Variants in ELF1 observed in about 807,000 individuals in gnomAD.
ELF1 encodes the protein E74 like ETS transcription factor 1, also known as ETS-related transcription factor Elf-1.
ELF1 carries 24 observed loss-of-function variants against 59.9 expected under a neutral mutation model. The ratio of observed to expected loss-of-function variants is 0.40; its 90% CI spans 0.29 to 0.56. The LOEUF (loss-of-function observed/expected upper bound fraction) is 0.56, where lower values mean the gene tolerates loss of function less well. Ranked by LOEUF, ELF1 falls within the 20% of genes least tolerant of loss-of-function variation. ELF1 has a pLI of 0.44. For missense variants in ELF1, 627 were observed against 742.2 expected (o/e 0.84, Z 1.80); for synonymous variants, 248 against 266.2 (o/e 0.93, Z 0.67).
chr13:41,012,688 A>C lies in ELF1; in HGVS notation c.-229+6540T>G, dbSNP rs539582553. Among the ~76,000 whole-genome samples, 8 of 151,438 alleles carry C rather than the reference A, an allele frequency of 5.3e-5. No individual in the cohort carries two copies. In the South Asian group the frequency reaches 1.7e-3, roughly 32 times the overall value. On this transcript the variant is annotated intron_variant, in intron 1 of 8. Coordinates refer to ENST00000239882, the MANE Select transcript of ELF1 (RefSeq NM_172373.4). ...CTTCTCGAGTAGCTGGAGCTACAGG[A>C]GTGTGACACCACACCTGGCTAACTT...
intron 5 of ELF1, among the ~76,000 whole-genome samples, chr13:40,948,322 T>A (rs559001632): frequency 6.6e-6 from 1 of 152,296 alleles, no homozygotes; most frequent in East Asian, 1.9e-4. Flanking sequence ...TCTGTGCCAA[T>A]GGGTGGATTT....
intron 2 of ELF1, among the ~76,000 whole-genome samples, chr13:40,970,569 TGGCA>T (rs1872473437): frequency 6.6e-6 from 1 of 152,220 alleles, no homozygotes; most frequent in Non-Finnish European, 1.5e-5. Context: ...AATGTTTTCT[TGGCA>T]TGGAGGTTAA....
chr13:41,006,336 C>T (rs1282378686), intron 1 of ELF1, among the ~76,000 whole-genome samples: 1 of 152,068 alleles, frequency 6.6e-6, no homozygotes, highest in Admixed American at 6.6e-5. Context: ...AAGTGTTCCC[C>T]AAACCATGAA....
At chr13:40,965,618 C>T (rs1305492472) in intron 2 of ELF1, among the ~76,000 whole-genome samples, 1 of 151,062 alleles carries the variant, frequency 6.6e-6, no homozygotes, top group East Asian at 2.0e-4. Context: ...AAGATTTCAT[C>T]TCAAAGAAAA....
intron 1 of ELF1, among the ~76,000 whole-genome samples, chr13:41,032,304 G>A (rs1349790861): frequency 2.0e-5 from 3 of 150,086 alleles, no homozygotes; most frequent in Non-Finnish European, 4.4e-5. Context: ...TGCAACCTCT[G>A]CCTCCCGGGT....
chr13:40,968,721 C>CTTTTTTTTTT (rs35089615), intron 2 of ELF1, among the ~76,000 whole-genome samples: 2 of 137,378 alleles, frequency 1.5e-5, no homozygotes, highest in African/African-American at 5.4e-5. Flanking sequence ...TTTCTATATT[C>CTTTTTTTTTT]TTTTTTTTTT....
chr13:41,019,800 A>G (rs1875618235), upstream of ELF1, among the ~76,000 whole-genome samples: 1 of 152,166 alleles, frequency 6.6e-6, no homozygotes, highest in African/African-American at 2.4e-5. Flanking sequence ...AAGGCTAGCA[A>G]ACTACAAAGC....
chr13:40,996,492 C>A (rs1341456620), intron 1 of ELF1, among the ~76,000 whole-genome samples: 2 of 152,150 alleles, frequency 1.3e-5, no homozygotes, highest in Admixed American at 6.5e-5. Flanking sequence ...AGCTATCAAG[C>A]CACAAAAAGA....
At chr13:40,951,675 G>C (rs1180643393) in intron 3 of ELF1, 2 of 276,550 alleles carry the variant, frequency 7.2e-6, no homozygotes, top group East Asian at 6.5e-5. Context: ...GTCTGAGACT[G>C]GCCAACATGG....
chr13:40,958,296 AC>A (rs1179642452), intron 3 of ELF1, among the ~76,000 whole-genome samples: 2 of 151,510 alleles, frequency 1.3e-5, no homozygotes, highest in Non-Finnish European at 2.9e-5. Flanking sequence ...GTCATGGCCC[AC>A]CATTTTGCTT....
intron 1 of ELF1, among the ~76,000 whole-genome samples, chr13:40,991,103 C>T (rs953724295): frequency 1.1e-4 from 16 of 152,144 alleles, no homozygotes; most frequent in African/African-American, 3.6e-4. Context: ...CAAATCTCCA[C>T]AGAGGGACAT....
chr13:41,025,890 G>T (rs1875878626), intron 1 of ELF1, among the ~76,000 whole-genome samples: 1 of 152,148 alleles, frequency 6.6e-6, no homozygotes, highest in African/African-American at 2.4e-5. Context: ...GTTACATACA[G>T]CTATCAATCT....
chr13:40,949,231 C>T (rs1165395266), intron 5 of ELF1, among the ~76,000 whole-genome samples: 1 of 152,006 alleles, frequency 6.6e-6, no homozygotes, highest in Non-Finnish European at 1.5e-5. Flanking sequence ...GGTTATCCAC[C>T]CACCCCCACC....
chr13:41,050,146 A>G (rs542623909), intron 1 of ELF1, among the ~76,000 whole-genome samples: 17 of 152,246 alleles, frequency 1.1e-4, no homozygotes, highest in African/African-American at 4.1e-4. Flanking sequence ...CTGAAACTCT[A>G]TATCCATTAA....
intron 3 of ELF1, among the ~76,000 whole-genome samples, chr13:40,955,276 T>TG (rs569884210): frequency 0.55 from 74,169 of 134,880 alleles, 23,700 homozygotes; most frequent in Non-Finnish European, 0.69. Flanking sequence ...GGGAGGGAGG[T>TG]GGGGGTCAGC....
chr13:40,992,930 G>A (rs1432334993), intron 1 of ELF1: 1 of 730,626 alleles, frequency 1.4e-6, no homozygotes, highest in Non-Finnish European at 2.4e-6. Flanking sequence ...TATCATTCTA[G>A]CCTTTTCTCT....
intron 1 of ELF1, among the ~76,000 whole-genome samples, chr13:41,014,889 A>G (rs985691856): frequency 6.6e-6 from 1 of 152,128 alleles, no homozygotes; most frequent in African/African-American, 2.4e-5. Context: ...ATATCTGAAG[A>G]AGCTTCAAAA....
chr13:41,042,026 A>G (rs1373142469), intron 1 of ELF1, among the ~76,000 whole-genome samples: 1 of 152,044 alleles, frequency 6.6e-6, no homozygotes, highest in East Asian at 1.9e-4. Flanking sequence ...TTATTTACTT[A>G]TGTATTTATA....
chr13:41,058,588 A>G (rs559356082), intron 1 of ELF1, among the ~76,000 whole-genome samples: 2 of 152,328 alleles, frequency 1.3e-5, no homozygotes, highest in Admixed American at 6.5e-5. Flanking sequence ...CCCCAGGTAT[A>G]TAGTACAACT....
Sources: allele counts gnomAD v4.1 joint callset (sites outside exome capture counted in the v4.1 genomes callset), GRCh38; gene constraint gnomAD v4.1.1; transcripts MANE v1.5; gene names NCBI Gene and HGNC (gene_info 2026-07-23, HGNC 2026-07-21).